Variants in ATIC observed in about 807,000 individuals in gnomAD.
The protein encoded by ATIC is 5-aminoimidazole-4-carboxamide ribonucleotide formyltransferase/IMP cyclohydrolase.
A neutral mutation model predicts 72.5 loss-of-function variants in ATIC; 64 were observed. The observed-to-expected ratio is 0.88, with a 90% confidence interval of 0.72 to 1.09. The LOEUF (loss-of-function observed/expected upper bound fraction) is 1.09. ATIC is among the 50% of genes least tolerant of loss of function. The probability of loss-of-function intolerance (pLI) is 0.00; values close to 1 mark genes in which losing one functional copy is unlikely to be tolerated. For synonymous variants in ATIC, 281 were observed against 267.1 expected (o/e 1.05, Z -0.51); for missense variants, 787 against 732.4 (o/e 1.07, Z -0.86).
At position 215,349,300 on chromosome 2, in the gene ATIC, CTG is replaced by C. The variant is rs550155832; in HGVS notation, c.1659+53_1659+54del. On this transcript the variant is annotated intron_variant, in intron 15 of 15. Coordinates refer to ENST00000236959, the MANE Select transcript of ATIC (RefSeq NM_004044.7). ...CTTAGAGTTGAGCATTATGTAGAAA[CTG>C]TTTCAGAAATCCTGCTTTTGATTTT... The C allele has an allele frequency of 7.4e-4, 1,188 of 1,611,268 alleles. 1 individual carries two copies. Among genetic ancestry groups the C allele is most frequent in the Non-Finnish European group, 9.3e-4 (1,101 of 1,178,626 alleles).
intron 8 of ATIC, 60 bp from the exon 9 acceptor site, chr2:215,333,290 G>A (rs1449051498): frequency 8.5e-6 from 12 of 1,403,872 alleles, no homozygotes; most frequent in Middle Eastern, 1.8e-4. Context: ...TCTTGATTTA[G>A]GAGTTGACAG....
In ATIC at chr2:215,349,118, G is replaced by T. The variant is rs150270007; in HGVS notation, c.1528G>T (p.Ala510Ser). ...GEDEDLIKWK[A>S]LFEEVPELLT... Reference sequence around the variant, plus strand: ...GGATGAAGATTTGATAAAGTGGAAGGCACTGTTTGAGGAAGTCCCTGAGTT... The same window carrying T: ...GGATGAAGATTTGATAAAGTGGAAGTCACTGTTTGAGGAAGTCCCTGAGTT... Residue 510 changes from alanine (A) to serine (S), a missense_variant, in exon 15 of 16, where the codon GCA (alanine) becomes TCA (serine). Coordinates refer to ENST00000236959, the MANE Select transcript of ATIC (RefSeq NM_004044.7). The T allele has an allele frequency of 1.2e-6, 2 of 1,614,036 alleles. No individual in the cohort carries two copies. Among genetic ancestry groups the T allele is most frequent in the South Asian group, 2.2e-5 (2 of 91,066 alleles).
chr2:215,342,151 G>A (rs1237173432), intron 12 of ATIC, among the ~76,000 whole-genome samples: 1 of 152,152 alleles, frequency 6.6e-6, no homozygotes, highest in African/African-American at 2.4e-5. Flanking sequence ...TTTAGGTGGG[G>A]ACACAGCCAA....
chr2:215,344,577 A>G (rs1469257433), intron 12 of ATIC, among the ~76,000 whole-genome samples: 1 of 151,944 alleles, frequency 6.6e-6, no homozygotes, highest in African/African-American at 2.4e-5. Context: ...CCTGTAATTG[A>G]AGTGTGAGAA....
At chr2:215,337,866 T>G (rs2052973591) in intron 11 of ATIC, among the ~76,000 whole-genome samples, 1 of 152,210 alleles carries the variant, frequency 6.6e-6, no homozygotes, top group Admixed American at 6.5e-5. Context: ...ATTTGAGAAT[T>G]TGGCTTAGTT....
chr2:215,362,115 A>T, the ATIC span: 5 of 1,482,762 alleles, frequency 3.4e-6, no homozygotes, highest in Non-Finnish European at 4.7e-6. Context: ...AATGGGGTTT[A>T]TGATAACCTG....
intron 12 of ATIC, among the ~76,000 whole-genome samples, chr2:215,340,994 TG>T (rs2106033025): frequency 6.6e-6 from 1 of 152,332 alleles, no homozygotes; most frequent in Non-Finnish European, 1.5e-5. Flanking sequence ...TTAAGCTATT[TG>T]CTGTAACAGA....
chr2:215,361,025 G>T, the ATIC span: 1 of 156,600 alleles, frequency 6.4e-6, no homozygotes. Flanking sequence ...AAAAATACTG[G>T]GAAAAATTGA....
chr2:215,327,243 TG>T (rs1281528320), intron 7 of ATIC, among the ~76,000 whole-genome samples: 8 of 152,146 alleles, frequency 5.3e-5, no homozygotes, highest in African/African-American at 1.9e-4. Flanking sequence ...TGAGACAGGA[TG>T]GGATGGCCTG....
intron 12 of ATIC, among the ~76,000 whole-genome samples, chr2:215,340,446 A>G (rs2053007060): frequency 6.6e-6 from 1 of 152,120 alleles, no homozygotes; most frequent in Admixed American, 6.5e-5. Context: ...GTTGTTCAGT[A>G]CTTTGCAGGA....
intron 12 of ATIC, among the ~76,000 whole-genome samples, chr2:215,342,286 A>G (rs1413817899): frequency 6.6e-6 from 1 of 152,254 alleles, no homozygotes; most frequent in Non-Finnish European, 1.5e-5. Context: ...ATAAAGATAA[A>G]AGATATATAA....
At position 215,318,182 on chromosome 2, in the gene ATIC, C is replaced by T; in HGVS notation, c.172C>T (p.Pro58Ser). ...VRDVSELTGF[P>S]EMLGGRVKTL... ...AGATGTCTCTGAGTTGACGGGATTT[C>T]CTGAAATGTTGGGGGGACGTGTGAA... Residue 58 changes from proline (P) to serine (S), a missense_variant, in exon 3 of 16, where the codon CCT (proline) becomes TCT (serine). Coordinates refer to ENST00000236959, the MANE Select transcript of ATIC (RefSeq NM_004044.7). 2 of 1,614,004 alleles carry T rather than the reference C, an allele frequency of 1.2e-6. No homozygotes were observed. The highest frequency in any genetic ancestry group is 8.5e-7 in the Non-Finnish European group (1 of 1,179,966).
At chr2:215,323,635 T>A (rs552845660) in intron 4 of ATIC, among the ~76,000 whole-genome samples, 1 of 152,340 alleles carries the variant, frequency 6.6e-6, no homozygotes, top group Admixed American at 6.5e-5. Context: ...GTATACTAGG[T>A]GGTATCATCT....
intron 8 of ATIC, 51 bp from the exon 9 acceptor site, chr2:215,333,299 A>C (rs371182050): frequency 2.7e-6 from 4 of 1,483,458 alleles, no homozygotes; most frequent in Non-Finnish European, 3.8e-6. Context: ...AGGAGTTGAC[A>C]GGTAGTAACT....
the ATIC span, among the ~76,000 whole-genome samples, chr2:215,355,295 C>T: frequency 1.8e-4 from 28 of 152,114 alleles, no homozygotes; most frequent in African/African-American, 6.0e-4. Context: ...TCATTCGAAA[C>T]GTCAAGAGTG....
At chr2:215,318,328 A>G in intron 3 of ATIC, 95 bp downstream of exon 3, 1 of 1,182,990 alleles carries the variant, frequency 8.5e-7, no homozygotes, top group Non-Finnish European at 1.3e-6. Context: ...AAAAGGCTCA[A>G]GAGAAATTTA....
the ATIC span, chr2:215,367,973 A>G: frequency 3.7e-6 from 6 of 1,614,192 alleles, no homozygotes; most frequent in South Asian, 5.5e-5. Context: ...ATAATGGGAA[A>G]CTGTGTAGGG....
intron 12 of ATIC, among the ~76,000 whole-genome samples, chr2:215,343,008 A>G (rs1378696948): frequency 6.6e-6 from 1 of 152,198 alleles, no homozygotes; most frequent in African/African-American, 2.4e-5. Context: ...AGGGTTGTTA[A>G]CTGCTTTGTG....
intron 3 of ATIC, among the ~76,000 whole-genome samples, chr2:215,318,722 T>G (rs1202372990): frequency 2.0e-5 from 3 of 152,208 alleles, no homozygotes; most frequent in Non-Finnish European, 4.4e-5. Context: ...TGAATAAAGC[T>G]GAATGGCTAC....
Sources: gnomAD v4.1 joint callset for allele counts (sites outside exome capture counted in the v4.1 genomes callset) on GRCh38, gnomAD v4.1.1 for gene constraint, MANE v1.5 for transcripts, NCBI Gene and HGNC (gene_info 2026-07-23, HGNC 2026-07-21) for gene names.